PCDHA12: variants seen among roughly 807,000 people sequenced by gnomAD.
PCDHA12 encodes the protein protocadherin alpha-12.
In PCDHA12, 44 loss-of-function variants were observed where a neutral mutation model predicts 60.0. The ratio of observed to expected loss-of-function variants is 0.73; its 90% CI spans 0.58 to 0.94. The LOEUF is 0.94. PCDHA12 is among the 40% of genes least tolerant of loss of function. The pLI, the probability that PCDHA12 is intolerant of heterozygous loss-of-function variation, is 0.00. For synonymous variants in PCDHA12, 569 were observed against 553.0 expected, an observed-to-expected ratio of 1.03 and a Z score of -0.40; for missense variants, 1,276 against 1,239.7, an observed-to-expected ratio of 1.03 and a Z score of -0.44.
intron 1 of PCDHA12, among the ~76,000 whole-genome samples, chr5:140,906,332 T>C (rs2072570393): frequency 6.6e-6 from 1 of 152,186 alleles, no homozygotes; most frequent in Non-Finnish European, 1.5e-5. Context: ...CAACTATCCT[T>C]CATACAACCA....
chr5:140,909,341 T>C (rs2074443719), intron 1 of PCDHA12, among the ~76,000 whole-genome samples: 1 of 152,222 alleles, frequency 6.6e-6, no homozygotes, highest in African/African-American at 2.4e-5. Context: ...GCATACCAGG[T>C]ACCAAGAGAT....
chr5:140,883,707 A>C, intron 1 of PCDHA12: 1 of 1,613,636 alleles, frequency 6.2e-7, no homozygotes. Context: ...GTGTCTGCTC[A>C]GGACGCGGAC....
chr5:140,967,053 G>A (rs1563359791), intron 1 of PCDHA12: 4 of 1,612,648 alleles, frequency 2.5e-6, no homozygotes, highest in Non-Finnish European at 3.4e-6. Flanking sequence ...GACCTGACGA[G>A]TGGAGCGCTC....
intron 1 of PCDHA12, among the ~76,000 whole-genome samples, chr5:140,972,712 G>T (rs1409880262): frequency 6.9e-6 from 1 of 144,630 alleles, no homozygotes; most frequent in East Asian, 2.0e-4. Context: ...TTGCCAGGCT[G>T]GAGTGCAGTG....
chr5:140,982,623 C>T, intron 3 of PCDHA12, 60 bp downstream of exon 3: 1 of 1,583,652 alleles, frequency 6.3e-7, no homozygotes, highest in South Asian at 1.2e-5. Context: ...AGATGACCTA[C>T]TTTTGTAAGA....
chr5:140,967,733 C>A (rs1473723959), intron 1 of PCDHA12: 1 of 1,614,024 alleles, frequency 6.2e-7, no homozygotes, highest in Non-Finnish European at 8.5e-7. Flanking sequence ...AATTGGGGGG[C>A]TGGATTATGA....
chr5:140,876,173 A>T lies in PCDHA12; in HGVS notation c.701A>T (p.Asp234Val), dbSNP rs369965805. The T allele has an allele frequency of 4.1e-5, 66 of 1,613,862 alleles. No individual in the cohort carries two copies. Among genetic ancestry groups the T allele is most frequent in the Middle Eastern group, 1.6e-4 (1 of 6,084 alleles). Residue 234 changes from aspartate to valine, a missense_variant, in exon 1 of 4, where the codon GAT becomes GTT. Physicochemically the swap from Asp to Val is radical, Grantham distance 152. Coordinates refer to ENST00000398631, the MANE Select transcript of PCDHA12 (RefSeq NM_018903.4). ...GSVQIQITVL[D>V]VNDNGPAFDK... ...GTCCAGATTCAAATAACCGTCCTGG[A>T]TGTGAATGACAATGGTCCGGCGTTT...
intron 1 of PCDHA12, among the ~76,000 whole-genome samples, chr5:140,890,187 CAG>C (rs2062529084): frequency 1.3e-5 from 2 of 152,228 alleles, no homozygotes; most frequent in South Asian, 4.1e-4. Context: ...TGCTACAAAA[CAG>C]AGTTTTTTGT....
chr5:140,910,864 A>G (rs2153516118), intron 1 of PCDHA12, among the ~76,000 whole-genome samples: 1 of 152,266 alleles, frequency 6.6e-6, no homozygotes, highest in Non-Finnish European at 1.5e-5. Context: ...TCCATCCACC[A>G]TTATCCCACA....
At chr5:140,909,082 G>T (rs1190064294) in intron 1 of PCDHA12, among the ~76,000 whole-genome samples, 2 of 152,184 alleles carry the variant, frequency 1.3e-5, no homozygotes, top group Non-Finnish European at 2.9e-5. Context: ...CAGTGTGTTT[G>T]CTACTTCTCA....
intron 1 of PCDHA12, chr5:140,928,053 G>C: frequency 6.2e-7 from 1 of 1,614,212 alleles, no homozygotes; most frequent in Non-Finnish European, 8.5e-7. Context: ...CTTTTCAGCT[G>C]ACGGCTTCCT....
intron 1 of PCDHA12, among the ~76,000 whole-genome samples, chr5:140,956,211 T>C (rs908749043): frequency 6.6e-6 from 1 of 152,198 alleles, no homozygotes; most frequent in African/African-American, 2.4e-5. Context: ...AAAGAGGGCA[T>C]CCTTGTCTTG....
chr5:140,981,582 A>C (rs2096939117), intron 2 of PCDHA12, among the ~76,000 whole-genome samples: 1 of 152,182 alleles, frequency 6.6e-6, no homozygotes, highest in African/African-American at 2.4e-5. Flanking sequence ...TCAAAAATAA[A>C]TAAAATAAAA....
At chr5:140,969,963 AT>A (rs2096372822) in intron 1 of PCDHA12, among the ~76,000 whole-genome samples, 1 of 152,204 alleles carries the variant, frequency 6.6e-6, no homozygotes. Context: ...CTTTGGCTGT[AT>A]GATGTGGCAA....
chr5:140,993,462 TCACACA>T (rs3836747), intron 3 of PCDHA12, among the ~76,000 whole-genome samples: 28,176 of 140,902 alleles, frequency 0.2, 2,920 homozygotes, highest in East Asian at 0.31. Flanking sequence ...TCTTTCTTTC[TCACACA>T]CACACACACA....
chr5:140,926,827 C>G, intron 1 of PCDHA12: 1 of 1,500,674 alleles, frequency 6.7e-7, no homozygotes, highest in Non-Finnish European at 8.9e-7. Context: ...CTCCAGGAGT[C>G]CGGAGCATGG....
chr5:140,994,988 A>G (rs781915746), intron 3 of PCDHA12, among the ~76,000 whole-genome samples: 3 of 152,166 alleles, frequency 2.0e-5, no homozygotes, highest in Non-Finnish European at 4.4e-5. Flanking sequence ...ACCCACTAGA[A>G]GGTTAGTTGG....
intron 1 of PCDHA12, chr5:140,928,156 T>G (rs1554205560): frequency 6.2e-7 from 1 of 1,614,188 alleles, no homozygotes; most frequent in East Asian, 2.2e-5. Context: ...AGATAGTGGC[T>G]CACCCCCACT....
intron 1 of PCDHA12, among the ~76,000 whole-genome samples, chr5:140,953,053 T>G (rs1475683860): frequency 2.0e-5 from 3 of 152,142 alleles, no homozygotes; most frequent in African/African-American, 7.2e-5. Flanking sequence ...TCCAATCACC[T>G]CTCACAGGCC....
Sources: allele counts gnomAD v4.1 joint callset (sites outside exome capture counted in the v4.1 genomes callset), GRCh38; gene constraint gnomAD v4.1.1; transcripts MANE v1.5; gene names NCBI Gene and HGNC (gene_info 2026-07-23, HGNC 2026-07-21).